ATP23: variants seen among roughly 807,000 people sequenced by gnomAD.
The protein encoded by ATP23 is ATP23 metallopeptidase and ATP synthase assembly factor homolog.
Under a neutral mutation model 28.5 loss-of-function variants are expected in ATP23, and 24 were observed. The ratio of observed to expected loss-of-function variants is 0.84; its 90% CI spans 0.61 to 1.18. The LOEUF (loss-of-function observed/expected upper bound fraction) is 1.18. Among genes scored for constraint, ATP23 ranks in the 50% most tolerant of loss-of-function variants. The pLI is 0.00. For missense variants in ATP23, 274 were observed against 306.4 expected, an observed-to-expected ratio of 0.89 and a Z score of 0.79; for synonymous variants, 99 against 108.6, an observed-to-expected ratio of 0.91 and a Z score of 0.55.
chr12:57,958,437 T>C lies in ATP23; in HGVS notation c.*1547T>C, dbSNP rs12825843. On this transcript the variant is annotated 3_prime_UTR_variant, in exon 6 of 6. Coordinates refer to ENST00000300145, the MANE Select transcript of ATP23 (RefSeq NM_033276.4). ...GGCAGGAGGCCAGCCAGCACAAAAA[T>C]AGAGCCTTCAACCACCAAAGCTAAG... Among the ~76,000 whole-genome samples, 89,408 of 151,964 alleles carry C rather than the reference T, an allele frequency of 0.59. 26,974 individuals carry two copies. The highest frequency in any genetic ancestry group is 0.8 in the Middle Eastern group (236 of 294).
At chr12:57,955,304 T>G (rs2140542467) in intron 5 of ATP23, among the ~76,000 whole-genome samples, 1 of 149,768 alleles carries the variant, frequency 6.7e-6, no homozygotes, top group Non-Finnish European at 1.5e-5. Flanking sequence ...TAATTCACCT[T>G]CTATCTTTGT....
chr12:57,954,599 A>C (rs576807915), intron 5 of ATP23, among the ~76,000 whole-genome samples: 1 of 152,358 alleles, frequency 6.6e-6, no homozygotes, highest in East Asian at 1.9e-4. Context: ...GGGGAAAGAA[A>C]GTATAGGACT....
rs117644003 is a variant in ATP23 at position 57,951,466 on chromosome 12, C to T, written c.316-292C>T. ...CTGTGGAGTCCGAGACAGACTAGTA[C>T]GATCAGCCCAGTAAGGATGGTGTGT... On this transcript the variant is annotated intron_variant, in intron 3 of 5. Coordinates refer to ENST00000300145, the MANE Select transcript of ATP23 (RefSeq NM_033276.4). Among the ~76,000 whole-genome samples, 545 of 152,246 alleles carry T rather than the reference C, an allele frequency of 3.6e-3. 2 individuals carry two copies. The highest frequency in any genetic ancestry group is 0.034 in the Middle Eastern group (10 of 294).
intron 1 of ATP23, 68 bp from the exon 2 acceptor site, chr12:57,945,560 A>G (rs1956752391): frequency 2.2e-6 from 3 of 1,335,724 alleles, no homozygotes; most frequent in East Asian, 2.3e-5. Context: ...AATATCTTAC[A>G]CTGCTATTTG....
intron 2 of ATP23, 100 bp from the exon 3 acceptor site, chr12:57,946,895 G>A: frequency 3.4e-6 from 3 of 881,920 alleles, no homozygotes; most frequent in Non-Finnish European, 3.6e-6. Context: ...AGTAGTAGAG[G>A]GGATTTACTA....
intron 1 of ATP23, among the ~76,000 whole-genome samples, chr12:57,943,692 A>T (rs1184549352): frequency 6.6e-6 from 1 of 151,126 alleles, no homozygotes; most frequent in African/African-American, 2.5e-5. Context: ...AAAAAAAAAA[A>T]GTACTGATTT....
At chr12:57,956,429 A>G (rs1326490238) in intron 5 of ATP23, among the ~76,000 whole-genome samples, 7 of 151,736 alleles carry the variant, frequency 4.6e-5, no homozygotes, top group Admixed American at 1.3e-4. Flanking sequence ...TCTGAGAATG[A>G]CATCTGCTTA....
Position 57,948,974 on chromosome 12 carries a change from ATTCT to A in ATP23, c.315+1904_315+1907del, listed in dbSNP as rs1413388448. On this transcript the variant is annotated intron_variant, in intron 3 of 5. Coordinates refer to ENST00000300145, the MANE Select transcript of ATP23 (RefSeq NM_033276.4). ...ACTTTCCACCTTCAGCATTTGTGAG[ATTCT>A]TTCTTGTTGTTGTGTGTACCTCTCT... Among the ~76,000 whole-genome samples, 4 of 152,056 alleles carry A rather than the reference ATTCT, an allele frequency of 2.6e-5. No individual in the cohort carries two copies. The East Asian group carries it at 5.8e-4, about 22-fold the overall frequency.
chr12:57,947,364 G>C (rs545649451), intron 3 of ATP23, among the ~76,000 whole-genome samples: 2 of 152,274 alleles, frequency 1.3e-5, no homozygotes, highest in South Asian at 2.1e-4. Context: ...ATTGAAAGAT[G>C]CCAACAGATT....
intron 3 of ATP23, among the ~76,000 whole-genome samples, chr12:57,949,448 C>T (rs1231432690): frequency 6.6e-6 from 1 of 152,078 alleles, no homozygotes; most frequent in African/African-American, 2.4e-5. Context: ...CCATTTAACA[C>T]CTCTACTTGA....
chr12:57,942,715 G>A (rs1956719079), intron 1 of ATP23, among the ~76,000 whole-genome samples: 1 of 152,032 alleles, frequency 6.6e-6, no homozygotes, highest in African/African-American at 2.4e-5. Flanking sequence ...GAGTCACTGC[G>A]CCCGGCCCAA....
intron 1 of ATP23, among the ~76,000 whole-genome samples, chr12:57,943,156 T>G (rs1410907823): frequency 6.6e-6 from 1 of 152,090 alleles, no homozygotes; most frequent in Non-Finnish European, 1.5e-5. Flanking sequence ...ATGTATTGAG[T>G]GCCTCCCAGG....
rs376101363 is a variant in ATP23 at position 57,945,920 on chromosome 12, C to T, written c.233+247C>T. Among the ~76,000 whole-genome samples the T allele has an allele frequency of 4.0e-5, 6 of 148,634 alleles. No individual in the cohort carries two copies. In the East Asian group the frequency reaches 5.9e-4, roughly 15 times the overall value. ...CGCTCTTGTTGTCCAGGTGGGAGTG[C>T]GTTGGTGCTGTCTCGGCTCAGTGCA... On this transcript the variant is annotated intron_variant, in intron 2 of 5. Transcript: ENST00000300145.
chr12:57,942,648 C>T (rs1956717978), intron 1 of ATP23, among the ~76,000 whole-genome samples: 1 of 152,128 alleles, frequency 6.6e-6, no homozygotes, highest in Non-Finnish European at 1.5e-5. Flanking sequence ...TGGTCTTGAT[C>T]TCCTGACCTC....
intron 1 of ATP23, among the ~76,000 whole-genome samples, chr12:57,942,746 G>A (rs886997517): frequency 1.3e-5 from 2 of 151,808 alleles, no homozygotes; most frequent in African/African-American, 4.8e-5. Context: ...TTTTTGGTCG[G>A]GGGAGAGAGT....
At chr12:57,942,677 C>T (rs1469838172) in intron 1 of ATP23, among the ~76,000 whole-genome samples, 5 of 152,126 alleles carry the variant, frequency 3.3e-5, no homozygotes, top group African/African-American at 1.2e-4. Context: ...CCTGCCTCGG[C>T]CTCCCAAAGT....
chr12:57,956,816 C>A lies in ATP23; in HGVS notation c.667C>A (p.Pro223Thr). The A allele has an allele frequency of 6.2e-7, 1 of 1,613,732 alleles. No individual in the cohort carries two copies. Among genetic ancestry groups the A allele is most frequent in the Non-Finnish European group, 8.5e-7 (1 of 1,179,886 alleles). ...TGACCATGAACCTTTTGGAAGGATC[C>A]CACATAACAAGACTTATGCAAGATA... ...FNDHEPFGRI[P>T]HNKTYARYAH... is the part of the protein sequence containing the mutation. The change falls in exon 6 of 6, where the codon CCA (proline) becomes ACA (threonine). Residue 223 changes from proline to threonine, a missense_variant. Transcript: ENST00000300145.
At chr12:57,948,965 ATT>A (rs1237056515) in intron 3 of ATP23, among the ~76,000 whole-genome samples, 1 of 152,150 alleles carries the variant, frequency 6.6e-6, no homozygotes, top group Non-Finnish European at 1.5e-5. Flanking sequence ...CACCTTCAGC[ATT>A]TGTGAGATTC....
intron 4 of ATP23, among the ~76,000 whole-genome samples, chr12:57,952,974 CT>C (rs1956829912): frequency 1.3e-5 from 2 of 152,224 alleles, no homozygotes; most frequent in Non-Finnish European, 2.9e-5. Flanking sequence ...TAATTTCAGG[CT>C]GTCATGCTCA....
Sources: gnomAD v4.1 joint callset for allele counts (sites outside exome capture counted in the v4.1 genomes callset) on GRCh38, gnomAD v4.1.1 for gene constraint, MANE v1.5 for transcripts, NCBI Gene and HGNC (gene_info 2026-07-23, HGNC 2026-07-21) for gene names.